The following TPRX1 variants were observed in gnomAD, a reference collection of about 807,000 sequenced individuals.
The protein encoded by TPRX1 is tetra-peptide repeat homeobox protein 1.
TPRX1 carries 2 observed loss-of-function variants against 8.1 expected under a neutral mutation model. The observed-to-expected ratio is 0.25, with a 90% confidence interval of 0.10 to 0.78. The LOEUF is 0.78. TPRX1 is among the 30% of genes least tolerant of loss of function. TPRX1 has a pLI of 0.70. For synonymous variants in TPRX1, 257 were observed against 254.1 expected (o/e 1.01, Z -0.11); for missense variants, 517 against 586.9 (o/e 0.88, Z 1.23).
At chr19:47,809,325 G>A (rs1025523350) in intron 2 of TPRX1, among the ~76,000 whole-genome samples, 17 of 151,558 alleles carry the variant, frequency 1.1e-4, no homozygotes, top group African/African-American at 3.6e-4. Flanking sequence ...CTATCACCCA[G>A]GCTGCGTTGC....
At chr19:47,808,296 G>T (rs1261574375) in intron 2 of TPRX1, among the ~76,000 whole-genome samples, 14 of 151,814 alleles carry the variant, frequency 9.2e-5, no homozygotes, top group Admixed American at 9.2e-4. Flanking sequence ...TGTATTTTTA[G>T]TAGAGACGGG....
intron 2 of TPRX1, chr19:47,818,458 AC>A (rs1470362124): frequency 4.4e-6 from 2 of 455,666 alleles, no homozygotes; most frequent in Non-Finnish European, 8.8e-6. Flanking sequence ...TTTATTGAAC[AC>A]ACACTTACTG....
At position 47,815,158 on chromosome 19, in the gene TPRX1, ATATATTTTT is replaced by A. The variant is rs1905514896; in HGVS notation, c.151+3301_151+3309del. Among the ~76,000 whole-genome samples, 2 of 88,740 alleles carry A rather than the reference ATATATTTTT, an allele frequency of 2.3e-5. 1 individual carries two copies. The allele number at this position is 88,740 out of a possible 152,430, so 58.2% of individuals were successfully genotyped here. A position where few individuals can be genotyped will look rare whatever the true frequency, so the allele number is the denominator to read the frequency against. On this transcript the variant is annotated intron_variant, in intron 2 of 3. Transcript: ENST00000535759. ...TATATATATATGCAAATATATATAT[ATATATTTTT>A]TTTTTTTGAGACAGTCTTGCTATGT...
intron 2 of TPRX1, among the ~76,000 whole-genome samples, chr19:47,813,865 G>T (rs1967807286): frequency 6.6e-6 from 1 of 151,370 alleles, no homozygotes; most frequent in Admixed American, 6.6e-5. Context: ...GGCGTCGCTG[G>T]GGAGACCCAG....
At chr19:47,811,373 T>C (rs962683809) in intron 2 of TPRX1, among the ~76,000 whole-genome samples, 1 of 151,912 alleles carries the variant, frequency 6.6e-6, no homozygotes, top group Non-Finnish European at 1.5e-5. Flanking sequence ...GAAACACGCA[T>C]GAACCAGGGT....
At chr19:47,818,310 CA>C (rs1967865588) in intron 2 of TPRX1, among the ~76,000 whole-genome samples, 1 of 103,266 alleles carries the variant, frequency 9.7e-6, no homozygotes, top group Non-Finnish European at 1.9e-5. Context: ...ACCCATCCAT[CA>C]CCCATCCATC....
At chr19:47,813,867 GA>G (rs1490415442) in intron 2 of TPRX1, among the ~76,000 whole-genome samples, 1 of 150,360 alleles carries the variant, frequency 6.7e-6, no homozygotes, top group Non-Finnish European at 1.5e-5. Context: ...CGTCGCTGGG[GA>G]GACCCAGGTG....
At chr19:47,813,402 T>G (rs775420338) in intron 2 of TPRX1, among the ~76,000 whole-genome samples, 4 of 151,990 alleles carry the variant, frequency 2.6e-5, no homozygotes, top group Non-Finnish European at 4.4e-5. Context: ...AAAAGCCACA[T>G]GCCAAGAATT....
intron 2 of TPRX1, among the ~76,000 whole-genome samples, chr19:47,814,383 GC>G (rs34243674): frequency 0.26 from 40,105 of 151,462 alleles, 5,740 homozygotes; most frequent in Middle Eastern, 0.36. Context: ...GGTTTATTAT[GC>G]GCTGTGGCTC....
chr19:47,818,073 G>C (rs983657213), intron 2 of TPRX1, among the ~76,000 whole-genome samples: 2 of 152,198 alleles, frequency 1.3e-5, no homozygotes, highest in Admixed American at 1.3e-4. Context: ...TCAAACACTA[G>C]TGGGCAGCCC....
At chr19:47,816,748 G>T (rs999402145) in intron 2 of TPRX1, among the ~76,000 whole-genome samples, 1 of 151,472 alleles carries the variant, frequency 6.6e-6, no homozygotes, top group Non-Finnish European at 1.5e-5. Context: ...TAGCCAGGAT[G>T]GTCTCGATCT....
intron 2 of TPRX1, among the ~76,000 whole-genome samples, chr19:47,818,245 A>C (rs1967863047): frequency 8.1e-6 from 1 of 123,012 alleles, no homozygotes; most frequent in Non-Finnish European, 1.7e-5. Flanking sequence ...CCCATCCATC[A>C]CCCATCCATC....
At chr19:47,802,834 G>A in exon 4 of TPRX1, 1 of 1,600,792 alleles carries the variant, frequency 6.2e-7, no homozygotes, top group Non-Finnish European at 8.5e-7. Context: ...GGATTCCCGA[G>A]GGGCCCCGCT....
chr19:47,806,907 A>ATT (rs944832239), intron 2 of TPRX1, among the ~76,000 whole-genome samples: 1 of 147,880 alleles, frequency 6.8e-6, no homozygotes, highest in African/African-American at 2.5e-5. Flanking sequence ...AGACGATTTA[A>ATT]TTTTTTTTTT....
At chr19:47,802,625 C>G in exon 4 of TPRX1, 1 of 1,550,062 alleles carries the variant, frequency 6.5e-7, no homozygotes, top group Non-Finnish European at 8.7e-7. Context: ...TGGGATCGGG[C>G]TTGGGATCTG....
Position 47,802,083 on chromosome 19 carries a change from A to G in TPRX1, c.1219T>C (p.Ser407Pro), listed in dbSNP as rs115615918. ...GGGACTGAGCCTGAGCCTGGGCCTG[A>G]GCCTGGGCCTAAAATCGGGGCTAGG... The change falls in exon 4 of 4, where the codon TCA (serine) becomes CCA (proline). Residue 407 changes from serine to proline, a missense_variant. This residue lies in a region of TPRX1 where 506 missense variants were observed against 515.5 expected (regional missense o/e 0.98). Transcript: ENST00000535759. 1,576 of 1,592,646 alleles carry G rather than the reference A, an allele frequency of 9.9e-4. 17 individuals carry two copies. In the African/African-American group the frequency reaches 0.019, roughly 19 times the overall value.
At chr19:47,816,805 T>C (rs1235664169) in intron 2 of TPRX1, among the ~76,000 whole-genome samples, 3 of 152,190 alleles carry the variant, frequency 2.0e-5, no homozygotes, top group Non-Finnish European at 4.4e-5. Flanking sequence ...GTGCTGGGAT[T>C]ACAGGCGTGA....
At chr19:47,803,118 C>T (rs982487692) in intron 3 of TPRX1, 138 bp from the exon 3 acceptor site, 8 of 1,038,548 alleles carry the variant, frequency 7.7e-6, no homozygotes, top group Non-Finnish European at 1.1e-5. Flanking sequence ...AAAAGAGGGC[C>T]CCGGCTCCAA....
chr19:47,806,496 G>T (rs911475500), intron 2 of TPRX1, among the ~76,000 whole-genome samples: 3 of 151,998 alleles, frequency 2.0e-5, no homozygotes, highest in Non-Finnish European at 2.9e-5. Context: ...CTCCAGCCTG[G>T]GTGACAGAGG....
Sources: allele counts gnomAD v4.1 joint callset (sites outside exome capture counted in the v4.1 genomes callset), GRCh38; gene constraint gnomAD v4.1.1; regional missense constraint gnomAD v4.1.1; transcripts MANE v1.5; gene names NCBI Gene and HGNC (gene_info 2026-07-23, HGNC 2026-07-21).